The following KCNH7 variants were observed in gnomAD, a reference collection of about 807,000 sequenced individuals.
The protein encoded by KCNH7 is potassium voltage-gated channel subfamily H member 7.
Under a neutral mutation model 120.8 loss-of-function variants are expected in KCNH7, and 49 were observed. The observed-to-expected ratio is 0.41, with a 90% CI of 0.32 to 0.51. KCNH7 has a LOEUF of 0.51. KCNH7 is among the 20% of genes least tolerant of loss of function. The pLI, the probability that KCNH7 is intolerant of heterozygous loss-of-function variation, is 0.38. For missense variants in KCNH7, 1,097 were observed against 1,446.6 expected, an observed-to-expected ratio of 0.76 and a Z score of 3.92; for synonymous variants, 547 against 516.1, an observed-to-expected ratio of 1.06 and a Z score of -0.81.
At chr2:162,417,677 G>T (rs936430107) in intron 9 of KCNH7, among the ~76,000 whole-genome samples, 4 of 152,102 alleles carry the variant, frequency 2.6e-5, no homozygotes, top group South Asian at 2.1e-4. Flanking sequence ...TGGGCTAAAG[G>T]TCAGATCCTA....
intron 6 of KCNH7, among the ~76,000 whole-genome samples, chr2:162,461,264 G>T (rs1201126999): frequency 6.6e-6 from 1 of 152,176 alleles, no homozygotes; most frequent in Non-Finnish European, 1.5e-5. Flanking sequence ...TACAGGCTCT[G>T]GGCCTTATTA....
chr2:162,684,182 T>C (rs1685805950), intron 2 of KCNH7, among the ~76,000 whole-genome samples: 1 of 152,086 alleles, frequency 6.6e-6, no homozygotes, highest in South Asian at 2.1e-4. Context: ...TCCTTACCCC[T>C]TATACAAAAA....
chr2:162,652,365 A>C (rs1231195327), intron 2 of KCNH7, among the ~76,000 whole-genome samples: 1 of 152,136 alleles, frequency 6.6e-6, no homozygotes, highest in Non-Finnish European at 1.5e-5. Context: ...ATACAGAAGC[A>C]GCCCTCAACC....
chr2:162,385,072 C>T, intron 12 of KCNH7, 133 bp from the exon 13 acceptor site: 2 of 597,340 alleles, frequency 3.3e-6, no homozygotes, highest in Non-Finnish European at 5.5e-6. Flanking sequence ...CTTGGGTACT[C>T]AATTTTTTAA....
chr2:162,727,860 C>T (rs999170996), intron 2 of KCNH7, among the ~76,000 whole-genome samples: 3 of 151,884 alleles, frequency 2.0e-5, no homozygotes, highest in African/African-American at 7.3e-5. Flanking sequence ...CTTCTTAATA[C>T]CAGGAATGAA....
At chr2:162,643,477 A>T (rs905445267) in intron 2 of KCNH7, among the ~76,000 whole-genome samples, 1 of 152,200 alleles carries the variant, frequency 6.6e-6, no homozygotes, top group African/African-American at 2.4e-5. Context: ...TTGCATTTAC[A>T]TTATGGAAAA....
chr2:162,502,466 T>C (rs1265119797), intron 6 of KCNH7, among the ~76,000 whole-genome samples: 6 of 152,118 alleles, frequency 3.9e-5, no homozygotes, highest in Non-Finnish European at 8.8e-5. Context: ...GAAATTTGCC[T>C]TAATGTCACA....
rs12469178 is a variant in KCNH7, at chr2:162,422,749, C to T, written c.2154+587G>A. 2.7e-3 allele frequency among the ~76,000 whole-genome samples: 418 copies of T among 152,064 alleles called. 7 individuals carry two copies. Among genetic ancestry groups the T allele is most frequent in the Admixed American group, 0.023 (346 of 15,254 alleles). Reference sequence around the variant, plus strand: ...AAAAATATGAAGGGATCCATATTTCCCCTTGAAAGGAAAGACGCATTAAAC... The same window carrying T: ...AAAAATATGAAGGGATCCATATTTCTCCTTGAAAGGAAAGACGCATTAAAC... On this transcript the variant is annotated intron_variant, in intron 9 of 15. Transcript: ENST00000332142.
intron 6 of KCNH7, among the ~76,000 whole-genome samples, chr2:162,449,562 T>C (rs1455485911): frequency 6.6e-6 from 1 of 151,952 alleles, no homozygotes; most frequent in Non-Finnish European, 1.5e-5. Context: ...CTGGTATCCC[T>C]ATAAGAAGAG....
At chr2:162,603,424 T>C (rs1029190476) in intron 2 of KCNH7, among the ~76,000 whole-genome samples, 2 of 152,138 alleles carry the variant, frequency 1.3e-5, no homozygotes, top group African/African-American at 4.8e-5. Context: ...ATAAATACTA[T>C]ACTTTTATTA....
chr2:162,542,587 T>G (rs1692347293), intron 2 of KCNH7, among the ~76,000 whole-genome samples: 1 of 152,024 alleles, frequency 6.6e-6, no homozygotes, highest in South Asian at 2.1e-4. Flanking sequence ...GACTCATCAT[T>G]TTTTATGGCT....
At chr2:162,803,263 C>T (rs1684412883) in intron 2 of KCNH7, among the ~76,000 whole-genome samples, 1 of 151,660 alleles carries the variant, frequency 6.6e-6, no homozygotes, top group Admixed American at 6.6e-5. Context: ...GAGGAATTAA[C>T]TTTGATTAAA....
At chr2:162,754,500 A>C (rs1004835043) in intron 2 of KCNH7, among the ~76,000 whole-genome samples, 3 of 152,152 alleles carry the variant, frequency 2.0e-5, no homozygotes, top group Non-Finnish European at 4.4e-5. Flanking sequence ...ACAGGAAGAG[A>C]GACTGAGGTA....
chr2:162,756,806 G>A (rs556428406), intron 2 of KCNH7, among the ~76,000 whole-genome samples: 20 of 152,178 alleles, frequency 1.3e-4, no homozygotes, highest in African/African-American at 4.1e-4. Context: ...TAGAAGATTC[G>A]CTTTAAAGGA....
At chr2:162,394,015 G>A (rs1383688532) in intron 12 of KCNH7, among the ~76,000 whole-genome samples, 6 of 152,096 alleles carry the variant, frequency 3.9e-5, no homozygotes, top group Non-Finnish European at 8.8e-5. Context: ...ACTAACAAAT[G>A]TGGCCTTCAT....
intron 2 of KCNH7, among the ~76,000 whole-genome samples, chr2:162,719,355 C>G (rs920485185): frequency 1.3e-5 from 2 of 152,072 alleles, no homozygotes; most frequent in East Asian, 3.9e-4. Context: ...AATTTATTAG[C>G]TGCAGGGTTT....
intron 2 of KCNH7, among the ~76,000 whole-genome samples, chr2:162,834,663 G>T (rs1423378339): frequency 6.6e-6 from 1 of 151,958 alleles, no homozygotes; most frequent in East Asian, 1.9e-4. Context: ...TAATTTAATA[G>T]GAATTAATCA....
intron 2 of KCNH7, among the ~76,000 whole-genome samples, chr2:162,624,801 A>G (rs915635651): frequency 6.7e-6 from 1 of 148,560 alleles, no homozygotes; most frequent in Non-Finnish European, 1.5e-5. Context: ...CTCTAATTCC[A>G]TTGGCAGCTG....
In KCNH7 at chr2:162,784,179, AT is replaced by A. The variant is rs563585089; in HGVS notation, c.307+52357del. Among the ~76,000 whole-genome samples the A allele has an allele frequency of 1.9e-3, 291 of 152,308 alleles. 2 individuals are homozygous for A. The highest frequency in any genetic ancestry group is 6.8e-3 in the African/African-American group (281 of 41,580). ...TCAGCAAACTAAAAATGAAAAAAAAATATGCTACTTAATACTATTGTTTCAA... is the reference window on the plus strand; with the variant it reads ...TCAGCAAACTAAAAATGAAAAAAAAAATGCTACTTAATACTATTGTTTCAA... On this transcript the variant is annotated intron_variant, in intron 2 of 15. Transcript: ENST00000332142.
Sources: gnomAD v4.1 joint callset for allele counts (sites outside exome capture counted in the v4.1 genomes callset) on GRCh38, gnomAD v4.1.1 for gene constraint, MANE v1.5 for transcripts, NCBI Gene and HGNC (gene_info 2026-07-23, HGNC 2026-07-21) for gene names.